GIN1: variants seen among roughly 807,000 people sequenced by gnomAD.
The protein encoded by GIN1 is gypsy retrotransposon integrase 1.
A neutral mutation model predicts 51.4 loss-of-function variants in GIN1; 41 were observed. The ratio of observed to expected loss-of-function variants is 0.80; its 90% CI spans 0.62 to 1.04. The LOEUF is 1.04. Among genes scored for constraint, GIN1 ranks in the 50% least tolerant of loss-of-function variants. The pLI is 0.00. For missense variants in GIN1, 610 were observed against 612.4 expected (o/e 1.00, Z 0.04); for synonymous variants, 222 against 206.5 (o/e 1.07, Z -0.64).
At chr5:103,109,191 T>G (rs782229304) in intron 1 of GIN1, among the ~76,000 whole-genome samples, 2 of 152,038 alleles carry the variant, frequency 1.3e-5, no homozygotes, top group Non-Finnish European at 2.9e-5. Context: ...CCTAAGGTGG[T>G]AACTATTTTT....
chr5:103,108,367 T>C (rs144003856), intron 2 of GIN1, among the ~76,000 whole-genome samples: 150 of 152,200 alleles, frequency 9.9e-4, no homozygotes, highest in Admixed American at 1.6e-3. Context: ...CTGTCTATAA[T>C]TTAAACAACC....
chr5:103,117,230 C>T (rs529073263), intron 1 of GIN1, among the ~76,000 whole-genome samples: 8 of 151,906 alleles, frequency 5.3e-5, no homozygotes, highest in African/African-American at 1.9e-4. Flanking sequence ...TATAAATAGA[C>T]CTAACAATAT....
chr5:103,117,534 C>G (rs1554197506), intron 1 of GIN1, among the ~76,000 whole-genome samples: 1 of 148,662 alleles, frequency 6.7e-6, no homozygotes, highest in African/African-American at 2.5e-5. Context: ...TAAATGATAC[C>G]CAATAATGTG....
intron 4 of GIN1, among the ~76,000 whole-genome samples, chr5:103,099,886 A>G (rs1787520486): frequency 6.6e-6 from 1 of 152,102 alleles, no homozygotes; most frequent in East Asian, 1.9e-4. Context: ...AACCTCCCAC[A>G]TTGTGTATTA....
At chr5:103,093,046 C>A (rs1374618160) in intron 7 of GIN1, among the ~76,000 whole-genome samples, 1 of 149,508 alleles carries the variant, frequency 6.7e-6, no homozygotes, top group Non-Finnish European at 1.5e-5. Context: ...ATATTAACGT[C>A]AAGATCATGG....
In GIN1 at chr5:103,086,686, C is replaced by G. The variant is rs1554193908; in HGVS notation, c.*1212G>C. 2.0e-5 allele frequency: 3 copies of G among 152,088 alleles called. No homozygotes were observed. The allele number at this position is 152,088 out of a possible 1,614,324, so 9.4% of individuals were successfully genotyped here. On this transcript the variant is annotated 3_prime_UTR_variant, in exon 8 of 8. Transcript: ENST00000399004. The stretch of plus-strand genomic sequence containing the variant: ...AAACAACTTCTCTCTTTTTGCCTCC[C>G]TAAGTACATTATCTACACCTGTCTT...
At position 103,087,968 on chromosome 5, in the gene GIN1, T is replaced by C; in HGVS notation, c.1499A>G (p.His500Arg). 1 of 1,597,634 alleles carries C rather than the reference T, an allele frequency of 6.3e-7. No homozygotes were observed. Among genetic ancestry groups the C allele is most frequent in the Non-Finnish European group, 8.6e-7 (1 of 1,165,888 alleles). Reference sequence around the variant, plus strand: ...GAAAGTCTGCTTTTCAAGAGAACTATGATCGTCTATCAATGGAGAGATTTT... The same window carrying C: ...GAAAGTCTGCTTTTCAAGAGAACTACGATCGTCTATCAATGGAGAGATTTT... ...NTKISPLIDD[H>R]SSLEKQTFSL... Residue 500 changes from histidine to arginine, a missense_variant, in exon 8 of 8, where the codon CAT (histidine) becomes CGT (arginine). Transcript: ENST00000399004.
chr5:103,109,879 A>T (rs535633232), intron 1 of GIN1, among the ~76,000 whole-genome samples: 1 of 152,160 alleles, frequency 6.6e-6, no homozygotes, highest in Non-Finnish European at 1.5e-5. Flanking sequence ...GCCAATTGGC[A>T]TAAGGACAGA....
intron 1 of GIN1, among the ~76,000 whole-genome samples, chr5:103,119,089 T>C (rs1001680344): frequency 1.3e-5 from 2 of 152,202 alleles, no homozygotes; most frequent in African/African-American, 4.8e-5. Flanking sequence ...TAAAAGCAAA[T>C]AAAATCAACT....
Position 103,087,030 on chromosome 5 carries a change from TGGCATGAGC to T in GIN1, c.*859_*867del. The T allele has an allele frequency of 6.6e-6, 1 of 152,376 alleles. No individual in the cohort carries two copies. The highest frequency in any genetic ancestry group is 2.1e-4 in the South Asian group (1 of 4,834). The allele number at this position is 152,376 out of a possible 1,614,324, so 9.4% of individuals were successfully genotyped here. On this transcript the variant is annotated 3_prime_UTR_variant, in exon 8 of 8. Coordinates refer to ENST00000399004, the MANE Select transcript of GIN1 (RefSeq NM_017676.2). ...CCCTGTCGCCCAGGCTGGAGAGCTG[TGGCATGAGC>T]GCGGCTCACTGCAGCCTCGACCTCC...
intron 1 of GIN1, among the ~76,000 whole-genome samples, chr5:103,114,689 A>G (rs1224008162): frequency 1.3e-5 from 2 of 152,212 alleles, no homozygotes; most frequent in South Asian, 2.1e-4. Flanking sequence ...GCACACCCTC[A>G]TTGGTACATT....
At chr5:103,089,307 T>A (rs1787168677) in intron 7 of GIN1, among the ~76,000 whole-genome samples, 1 of 152,248 alleles carries the variant, frequency 6.6e-6, no homozygotes, top group Non-Finnish European at 1.5e-5. Flanking sequence ...ATATTTGAAT[T>A]CATTACAATA....
intron 4 of GIN1, among the ~76,000 whole-genome samples, chr5:103,103,834 G>C (rs1787643312): frequency 6.6e-6 from 1 of 152,114 alleles, no homozygotes; most frequent in Non-Finnish European, 1.5e-5. Context: ...CTGTTGCCCA[G>C]ATTGAAGTGC....
intron 1 of GIN1, among the ~76,000 whole-genome samples, chr5:103,117,758 T>C (rs1788082413): frequency 6.6e-6 from 1 of 152,114 alleles, no homozygotes; most frequent in Non-Finnish European, 1.5e-5. Flanking sequence ...CAGTACTTCA[T>C]GAAGTAGGTA....
At chr5:103,093,608 T>G (rs1381909768) in intron 7 of GIN1, among the ~76,000 whole-genome samples, 1 of 152,162 alleles carries the variant, frequency 6.6e-6, no homozygotes, top group East Asian at 1.9e-4. Flanking sequence ...AAGAGGAAAC[T>G]TATACAATAA....
intron 4 of GIN1, among the ~76,000 whole-genome samples, chr5:103,101,937 G>T (rs1311000432): frequency 8.5e-5 from 13 of 152,154 alleles, no homozygotes; most frequent in African/African-American, 3.1e-4. Context: ...TGTCAATCAA[G>T]GCAGGCAAGA....
At chr5:103,092,025 C>CAA (rs1175297112) in intron 7 of GIN1, among the ~76,000 whole-genome samples, 1 of 135,830 alleles carries the variant, frequency 7.4e-6, no homozygotes, top group African/African-American at 2.7e-5. Flanking sequence ...AACTCCATCT[C>CAA]AAAAAAAAAA....
At chr5:103,102,670 G>C (rs534766042) in intron 4 of GIN1, 2 of 152,304 alleles carry the variant, frequency 1.3e-5, no homozygotes, top group South Asian at 4.1e-4. Flanking sequence ...CCAGCACTCT[G>C]GGAGGTCGAG....
Position 103,096,526 on chromosome 5 carries a change from G to A in GIN1, c.1294+15C>T. On this transcript the variant is annotated intron_variant, in intron 7 of 7. Transcript: ENST00000399004. The stretch of plus-strand genomic sequence containing the variant: ...CCTAAAGCAATAAAAATGTAGAGAA[G>A]TGACAGATATTTACCTTGTTCACTG... 1 of 1,560,494 alleles carries A rather than the reference G, an allele frequency of 6.4e-7. No homozygotes were observed. The highest frequency in any genetic ancestry group is 8.8e-7 in the Non-Finnish European group (1 of 1,142,460).
Sources: allele counts gnomAD v4.1 joint callset (sites outside exome capture counted in the v4.1 genomes callset), GRCh38; gene constraint gnomAD v4.1.1; transcripts MANE v1.5; gene names NCBI Gene and HGNC (gene_info 2026-07-23, HGNC 2026-07-21).